IGFBP7: variants seen among roughly 807,000 people sequenced by gnomAD.
IGFBP7 encodes the protein insulin like growth factor binding protein 7.
In IGFBP7, 31 loss-of-function variants were observed where a neutral mutation model predicts 29.4. That is an observed-to-expected ratio of 1.05 (90% CI 0.79 to 1.42). The LOEUF is 1.42. Ranked by LOEUF, IGFBP7 falls within the 40% of genes most tolerant of loss-of-function variation. The pLI is 0.00. For synonymous variants in IGFBP7, 172 were observed against 174.9 expected, an observed-to-expected ratio of 0.98 and a Z score of 0.13; for missense variants, 393 against 395.5, an observed-to-expected ratio of 0.99 and a Z score of 0.05.
At chr4:57,031,851 C>T (rs185266024) in intron 4 of IGFBP7, among the ~76,000 whole-genome samples, 216 of 152,202 alleles carry the variant, frequency 1.4e-3, no homozygotes, top group East Asian at 2.9e-3. Context: ...CACATGGTGA[C>T]GGTAAATTTT....
Position 57,032,352 on chromosome 4 carries a change from T to A in IGFBP7, c.829+74A>T, listed in dbSNP as rs574725810. On this transcript the variant is annotated intron_variant, in intron 4 of 4. Coordinates refer to ENST00000295666, the MANE Select transcript of IGFBP7 (RefSeq NM_001553.3). ...TTCATCAATAGCTACGTCTGATACT[T>A]TCATACTTAGTTCTGTTCTTTTTAA... 5 of 1,573,310 alleles carry A rather than the reference T, an allele frequency of 3.2e-6. No individual in the cohort carries two copies. In the East Asian group the frequency reaches 1.1e-4, roughly 35 times the overall value.
intron 1 of IGFBP7, among the ~76,000 whole-genome samples, chr4:57,067,091 A>G (rs753849113): frequency 2.6e-5 from 4 of 152,124 alleles, no homozygotes; most frequent in Non-Finnish European, 5.9e-5. Context: ...TCATGGATGG[A>G]CAGTTATTTA....
At chr4:57,043,426 AG>A (rs1724278738) in intron 1 of IGFBP7, among the ~76,000 whole-genome samples, 1 of 152,226 alleles carries the variant, frequency 6.6e-6, no homozygotes, top group South Asian at 2.1e-4. Context: ...CCTCCCCTTT[AG>A]GACTGGAAAG....
chr4:57,059,822 T>C (rs554214801), intron 1 of IGFBP7, among the ~76,000 whole-genome samples: 1 of 152,354 alleles, frequency 6.6e-6, no homozygotes, highest in African/African-American at 2.4e-5. Context: ...CTTTAATATC[T>C]ATCCCTATAT....
chr4:57,061,813 A>C (rs1724807189), intron 1 of IGFBP7, among the ~76,000 whole-genome samples: 1 of 152,222 alleles, frequency 6.6e-6, no homozygotes, highest in Non-Finnish European at 1.5e-5. Context: ...CTCCCAGATA[A>C]ATTTTATTTT....
chr4:57,088,827 C>T (rs1036254552), intron 1 of IGFBP7, among the ~76,000 whole-genome samples: 21 of 151,924 alleles, frequency 1.4e-4, no homozygotes, highest in African/African-American at 5.1e-4. Flanking sequence ...GTCAGGAGTT[C>T]GAGACCAGCC....
intron 1 of IGFBP7, among the ~76,000 whole-genome samples, chr4:57,094,168 C>A (rs916560484): frequency 6.6e-6 from 1 of 152,214 alleles, no homozygotes; most frequent in African/African-American, 2.4e-5. Context: ...AAATTTCCAT[C>A]TGGCACCCAG....
In IGFBP7 at chr4:57,064,749, A is replaced by G. The variant is rs769887894; in HGVS notation, c.476-23816T>C. Among the ~76,000 whole-genome samples, 629 of 152,370 alleles carry G rather than the reference A, an allele frequency of 4.1e-3. 6 individuals are homozygous for G. Among genetic ancestry groups the G allele is most frequent in the Non-Finnish European group, 6.2e-3 (424 of 68,040 alleles). ...TCCATCTTGACCAAATCTCTTATATAAGAGGCCCCAGGGGTTAAATATTTG... is the reference window on the plus strand; with the variant it reads ...TCCATCTTGACCAAATCTCTTATATGAGAGGCCCCAGGGGTTAAATATTTG... On this transcript the variant is annotated intron_variant, in intron 1 of 4. Transcript: ENST00000295666.
chr4:57,037,951 G>A (rs970513427), intron 2 of IGFBP7, among the ~76,000 whole-genome samples: 1 of 152,176 alleles, frequency 6.6e-6, no homozygotes, highest in Non-Finnish European at 1.5e-5. Flanking sequence ...ACCCATCCAC[G>A]GACTGCATTT....
At chr4:57,109,747 TG>T in intron 1 of IGFBP7, 129 bp downstream of exon 1, 2 of 1,152,388 alleles carry the variant, frequency 1.7e-6, no homozygotes, top group Non-Finnish European at 1.2e-6. Flanking sequence ...CCCTCCCATC[TG>T]GCTCCTGGGA....
intron 1 of IGFBP7, among the ~76,000 whole-genome samples, chr4:57,102,362 C>T (rs1334936626): frequency 6.6e-6 from 1 of 152,160 alleles, no homozygotes; most frequent in Non-Finnish European, 1.5e-5. Flanking sequence ...CATCTCAAAG[C>T]TGTATAGTTT....
intron 1 of IGFBP7, among the ~76,000 whole-genome samples, chr4:57,073,768 T>A (rs1358760585): frequency 6.6e-6 from 1 of 152,094 alleles, no homozygotes; most frequent in African/African-American, 2.4e-5. Flanking sequence ...AGATGCCAAT[T>A]CCACTGTCAC....
intron 1 of IGFBP7, among the ~76,000 whole-genome samples, chr4:57,046,470 C>T (rs1476048421): frequency 1.3e-5 from 2 of 152,128 alleles, no homozygotes; most frequent in African/African-American, 4.8e-5. Flanking sequence ...ATTTTTAGGT[C>T]ACTCTGAGCT....
At chr4:57,064,867 T>C (rs1724881992) in intron 1 of IGFBP7, among the ~76,000 whole-genome samples, 1 of 152,224 alleles carries the variant, frequency 6.6e-6, no homozygotes, top group African/African-American at 2.4e-5. Context: ...AAAAACATGA[T>C]CTGTTCTCAA....
At chr4:57,077,885 T>C (rs1248921682) in intron 1 of IGFBP7, among the ~76,000 whole-genome samples, 4 of 152,212 alleles carry the variant, frequency 2.6e-5, no homozygotes, top group Non-Finnish European at 5.9e-5. Context: ...TCGTGGAGTG[T>C]TGTGATGCAG....
At chr4:57,090,412 G>A (rs1428475650) in intron 1 of IGFBP7, among the ~76,000 whole-genome samples, 1 of 152,124 alleles carries the variant, frequency 6.6e-6, no homozygotes, top group African/African-American at 2.4e-5. Context: ...ATTCTGTAGT[G>A]TTGAAACACA....
chr4:57,083,608 G>T (rs1725425244), intron 1 of IGFBP7, among the ~76,000 whole-genome samples: 1 of 152,094 alleles, frequency 6.6e-6, no homozygotes, highest in African/African-American at 2.4e-5. Flanking sequence ...TTATGGTTTT[G>T]GTTGCCATAC....
chr4:57,078,095 C>G (rs1182101079), intron 1 of IGFBP7, among the ~76,000 whole-genome samples: 2 of 152,126 alleles, frequency 1.3e-5, no homozygotes, highest in East Asian at 1.9e-4. Context: ...CTTTTCCCCC[C>G]TCAACTCATT....
intron 1 of IGFBP7, among the ~76,000 whole-genome samples, chr4:57,090,779 C>G (rs1361192150): frequency 1.3e-5 from 2 of 152,038 alleles, no homozygotes; most frequent in African/African-American, 4.8e-5. Flanking sequence ...ACCCGGGAGG[C>G]AGAGGTTGGC....
Sources: allele counts gnomAD v4.1 joint callset (sites outside exome capture counted in the v4.1 genomes callset), GRCh38; gene constraint gnomAD v4.1.1; transcripts MANE v1.5; gene names NCBI Gene and HGNC (gene_info 2026-07-23, HGNC 2026-07-21).